Variants in SNX19 observed in about 807,000 individuals in gnomAD.
SNX19 encodes sorting nexin 19.
SNX19 carries 60 observed loss-of-function variants against 85.2 expected under a neutral mutation model. The ratio of observed to expected loss-of-function variants is 0.70; its 90% CI spans 0.57 to 0.87. The LOEUF (loss-of-function observed/expected upper bound fraction) is 0.87, where lower values mean the gene tolerates loss of function less well. Ranked by LOEUF, SNX19 falls within the 40% of genes least tolerant of loss-of-function variation. The pLI is 0.00. For synonymous variants in SNX19, 520 were observed against 470.0 expected, an observed-to-expected ratio of 1.11 and a Z score of -1.38; for missense variants, 1,201 against 1,217.8, an observed-to-expected ratio of 0.99 and a Z score of 0.21.
rs1044659705 is a variant in SNX19, at chr11:130,867,198, T to G, written c.*11224A>C. The G allele has an allele frequency of 6.6e-6, 1 of 152,206 alleles. No homozygotes were observed. The highest frequency in any genetic ancestry group is 1.5e-5 in the Non-Finnish European group (1 of 68,046). The allele number at this position is 152,206 out of a possible 1,614,324, so 9.4% of individuals were successfully genotyped here. A position where few individuals can be genotyped will look rare whatever the true frequency, so the allele number is the denominator to read the frequency against. ...TTTCCTCTTCAGTAAAATGAGGACA[T>G]GAGTATTAATAACTTGCCAAATTAC... On this transcript the variant is annotated 3_prime_UTR_variant, in exon 11 of 11. Coordinates refer to ENST00000265909, the MANE Select transcript of SNX19 (RefSeq NM_014758.3).
intron 10 of SNX19, 55 bp downstream of exon 10, chr11:130,879,567 CTG>C: frequency 1.3e-6 from 2 of 1,491,362 alleles, no homozygotes; most frequent in Non-Finnish European, 1.9e-6. Context: ...TTGGATACCT[CTG>C]AGACCAGAGG....
At chr11:130,911,397 T>C (rs1420373254) in intron 2 of SNX19, 2 of 1,254,648 alleles carry the variant, frequency 1.6e-6, no homozygotes, top group South Asian at 2.1e-5. Context: ...ACTTATTTTT[T>C]AATCTTAAAC....
At chr11:130,902,658 C>G (rs11824235) in intron 8 of SNX19, among the ~76,000 whole-genome samples, 7,707 of 152,240 alleles carry the variant, frequency 0.051, 575 homozygotes, top group African/African-American at 0.16. Flanking sequence ...AAGTCAGCAG[C>G]TAAAAACTCC....
At chr11:130,906,522 T>C in intron 6 of SNX19, 103 bp downstream of exon 6, 1 of 822,212 alleles carries the variant, frequency 1.2e-6, no homozygotes, top group East Asian at 2.5e-5. Flanking sequence ...TTAAGTCATT[T>C]AGCAGGACAT....
At chr11:130,895,044 C>T in intron 8 of SNX19, 2 of 985,364 alleles carry the variant, frequency 2.0e-6, no homozygotes, top group Non-Finnish European at 2.4e-6. Context: ...TTCTTGCTTT[C>T]CATGTGGAAG....
At chr11:130,897,705 A>G (rs1025410104) in intron 8 of SNX19, among the ~76,000 whole-genome samples, 2 of 152,052 alleles carry the variant, frequency 1.3e-5, no homozygotes, top group African/African-American at 4.8e-5. Flanking sequence ...AGCACAGTGT[A>G]TCTCTCCTCT....
chr11:130,909,735 C>A (rs1945946185), intron 4 of SNX19, among the ~76,000 whole-genome samples: 1 of 152,180 alleles, frequency 6.6e-6, no homozygotes. Flanking sequence ...TCACATGCCT[C>A]CAACAGTACA....
In SNX19 at chr11:130,870,159, AG is replaced by A. The variant is rs1021157892; in HGVS notation, c.*8262del. ...AAAACTTAGGTCATTCCACCCCAAC[AG>A]TACTCTTTCTTCCATGTCCAAAACC... On this transcript the variant is annotated 3_prime_UTR_variant, in exon 11 of 11. Coordinates refer to ENST00000265909, the MANE Select transcript of SNX19 (RefSeq NM_014758.3). 41 of 152,320 alleles carry A rather than the reference AG, an allele frequency of 2.7e-4. No homozygotes were observed. Among genetic ancestry groups the A allele is most frequent in the African/African-American group, 9.6e-4 (40 of 41,568 alleles). 9.4% of individuals were successfully genotyped at this position (152,320 alleles called of 1,614,324 possible).
rs1480432505 is a variant in SNX19, at chr11:130,894,776, T to C, written c.2573+8479A>G. The C allele has an allele frequency of 3.0e-6, 3 of 985,342 alleles. No homozygotes were observed. In the African/African-American group the frequency reaches 5.2e-5, roughly 17 times the overall value. 61.0% of individuals were successfully genotyped at this position (985,342 alleles called of 1,614,324 possible). Reference sequence around the variant, plus strand: ...AATGCCCCTCCTCCTGTTTTAAAAATGTCTTAGTGTCTAGAATATTATTTA... The same window carrying C: ...AATGCCCCTCCTCCTGTTTTAAAAACGTCTTAGTGTCTAGAATATTATTTA... On this transcript the variant is annotated intron_variant, in intron 8 of 10. Coordinates refer to ENST00000265909, the MANE Select transcript of SNX19 (RefSeq NM_014758.3).
chr11:130,913,314 T>C (rs138725250), intron 1 of SNX19, among the ~76,000 whole-genome samples: 1 of 152,376 alleles, frequency 6.6e-6, no homozygotes, highest in African/African-American at 2.4e-5. Flanking sequence ...CCTTTGAGGC[T>C]AGTCTCAGTT....
In SNX19 at chr11:130,905,970, G is replaced by A. The variant is rs1190026633; in HGVS notation, c.2426C>T (p.Pro809Leu). 1.9e-6 allele frequency: 3 copies of A among 1,614,094 alleles called. No individual in the cohort carries two copies. Among genetic ancestry groups the A allele is most frequent in the Non-Finnish European group, 2.5e-6 (3 of 1,180,040 alleles). Residue 809 changes from proline to leucine, a missense_variant, in exon 7 of 11, where the codon CCC becomes CTC. Transcript: ENST00000265909. ...VSDAAVPAQDPSNSDPGTETE... is the reference protein window; with the variant it reads ...VSDAAVPAQDLSNSDPGTETE... ...CCACTCACCTGGATCGCTGTTGCTGGGGTCTTGGGCTGGCACGGCTGCATC... is the reference window on the plus strand; with the variant it reads ...CCACTCACCTGGATCGCTGTTGCTGAGGTCTTGGGCTGGCACGGCTGCATC...
In SNX19 at chr11:130,915,698, C is replaced by T. The variant is rs150787445; in HGVS notation, c.242G>A (p.Arg81His). 1.2e-6 allele frequency: 2 copies of T among 1,614,232 alleles called. No homozygotes were observed. The highest frequency in any genetic ancestry group is 4.5e-5 in the East Asian group (2 of 44,884). ...AGGACAGGTGGCCAACGGGATGAAG[C>T]GTTCCAGATGCAGTCGACCTGAAGC... The part of the protein sequence containing the change: ...GVASGRLHLE[R>H]FIPLATCPPC... Residue 81 changes from arginine (R) to histidine (H), a missense_variant, in exon 1 of 11, where the codon CGC (arginine) becomes CAC (histidine). Coordinates refer to ENST00000265909, the MANE Select transcript of SNX19 (RefSeq NM_014758.3).
rs183427461 is a variant in SNX19, at chr11:130,889,819, T to C, written c.2574-9013A>G. ...CAGAAGTTCACCATGTGAATAATCA[T>C]ACGTCATGGCACAGAAAATTTAAAA... On this transcript the variant is annotated intron_variant, in intron 8 of 10. Coordinates refer to ENST00000265909, the MANE Select transcript of SNX19 (RefSeq NM_014758.3). Among the ~76,000 whole-genome samples, 5 of 152,312 alleles carry C rather than the reference T, an allele frequency of 3.3e-5. No individual in the cohort carries two copies. In the East Asian group the frequency reaches 5.8e-4, roughly 18 times the overall value.
rs1164311039 is a variant in SNX19 at position 130,868,806 on chromosome 11, G to T, written c.*9616C>A. ...TGCTGTCATCTGGTTTAGTCAAGGGGGTTGTGAGGCGTGTGGGCTCCATTG... is the reference window on the plus strand; with the variant it reads ...TGCTGTCATCTGGTTTAGTCAAGGGTGTTGTGAGGCGTGTGGGCTCCATTG... On this transcript the variant is annotated 3_prime_UTR_variant, in exon 11 of 11. Coordinates refer to ENST00000265909, the MANE Select transcript of SNX19 (RefSeq NM_014758.3). The T allele has an allele frequency of 6.6e-6, 1 of 152,234 alleles. No homozygotes were observed. Among genetic ancestry groups the T allele is most frequent in the Non-Finnish European group, 1.5e-5 (1 of 68,108 alleles). 9.4% of individuals were successfully genotyped at this position (152,234 alleles called of 1,614,324 possible). A position where few individuals can be genotyped will look rare whatever the true frequency, so the allele number is the denominator to read the frequency against.
Position 130,915,672 on chromosome 11 carries a change from G to A in SNX19, c.268C>T (p.Pro90Ser), listed in dbSNP as rs143603097. 3 of 1,614,138 alleles carry A rather than the reference G, an allele frequency of 1.9e-6. 1 individual carries two copies. In the African/African-American group the frequency reaches 4.0e-5, roughly 22 times the overall value. ...ERFIPLATCP[P>S]CPEAERQLER... ...AGCTGCCTTTCTGCCTCAGGGCATG[G>A]AGGACAGGTGGCCAACGGGATGAAG... Residue 90 changes from proline to serine, a missense_variant, in exon 1 of 11, where the codon CCA becomes TCA. By Grantham distance (74) the Pro-to-Ser change is moderately conservative. Coordinates refer to ENST00000265909, the MANE Select transcript of SNX19 (RefSeq NM_014758.3).
At position 130,914,509 on chromosome 11, in the gene SNX19, G is replaced by C; in HGVS notation, c.1431C>G (p.Pro477=). ...CCTTCTCTAAGCATGACGGCCGTGAGGGGCAGGTCTTTTCTGGCCCCTCCA... is the reference window on the plus strand; with the variant it reads ...CCTTCTCTAAGCATGACGGCCGTGACGGGCAGGTCTTTTCTGGCCCCTCCA... The part of the protein sequence containing the change: ...ALLEGPEKTC[P]SRPSCLEKDL... Residue 477 remains proline (P), a synonymous_variant, in exon 1 of 11, where the codon CCC becomes CCG. Transcript: ENST00000265909. The C allele has an allele frequency of 6.2e-7, 1 of 1,613,990 alleles. No individual in the cohort carries two copies. The highest frequency in any genetic ancestry group is 1.1e-5 in the South Asian group (1 of 91,070).
chr11:130,906,106 T>C lies in SNX19; in HGVS notation c.2290A>G (p.Met764Val). 6.2e-7 allele frequency: 1 copy of C among 1,614,036 alleles called. No homozygotes were observed. The highest frequency in any genetic ancestry group is 8.5e-7 in the Non-Finnish European group (1 of 1,179,972). Residue 764 changes from methionine to valine, a missense_variant, in exon 7 of 11, where the codon ATG becomes GTG. Transcript: ENST00000265909. ...GTCTGTTTTTCAATAAAAGATTCCA[T>C]CGCAGACATGGATAGAGTCTCAGAC... is the stretch of plus-strand genomic sequence containing the variant. ...VESETLSMSA[M>V]ESFIEKQTKL...
At chr11:130,898,658 T>C (rs942328950) in intron 8 of SNX19, among the ~76,000 whole-genome samples, 1 of 152,182 alleles carries the variant, frequency 6.6e-6, no homozygotes, top group Non-Finnish European at 1.5e-5. Context: ...TCTGGAGATG[T>C]CAAGTTTCCA....
At chr11:130,908,193 G>C (rs1034887544) in intron 4 of SNX19, 110 bp from the exon 5 acceptor site, 5 of 1,284,916 alleles carry the variant, frequency 3.9e-6, no homozygotes, top group Non-Finnish European at 5.3e-6. Context: ...AGAGGGGCCA[G>C]GCTATCTAGC....
Sources: gnomAD v4.1 joint callset for allele counts (sites outside exome capture counted in the v4.1 genomes callset) on GRCh38, gnomAD v4.1.1 for gene constraint, MANE v1.5 for transcripts, NCBI Gene and HGNC (gene_info 2026-07-23, HGNC 2026-07-21) for gene names.